The following ADCY10 variants were observed in gnomAD, a reference collection of about 807,000 sequenced individuals.
ADCY10 encodes adenylate cyclase type 10.
ADCY10 carries 156 observed loss-of-function variants against 183.3 expected under a neutral mutation model. That is an observed-to-expected ratio of 0.85 (90% CI 0.75 to 0.97). ADCY10 has a LOEUF of 0.97. ADCY10 is among the 50% of genes least tolerant of loss of function. The probability of loss-of-function intolerance (pLI) is 0.00; values close to 1 mark genes in which losing one functional copy is unlikely to be tolerated. For synonymous variants in ADCY10, 645 were observed against 670.0 expected (o/e 0.96, Z 0.58); for missense variants, 1,745 against 1,934.3 (o/e 0.90, Z 1.84).
In ADCY10 at chr1:167,809,788, T is replaced by G; in HGVS notation, c.4723A>C (p.Ile1575Leu). 1 of 1,614,198 alleles carries G rather than the reference T, an allele frequency of 6.2e-7. No homozygotes were observed. The highest frequency in any genetic ancestry group is 8.5e-7 in the Non-Finnish European group (1 of 1,180,014). ...ELKEDQWLQT[I>L]LSLPSWEKIV... ...TTTTCCCATGATGGGAGACTCAAGA[T>G]CGTCTGAAGCCATTGGTCTTCTTTT... Residue 1575 changes from isoleucine (I) to leucine (L), a missense_variant, in exon 33 of 33, where the codon ATC (isoleucine) becomes CTC (leucine). Transcript: ENST00000367851.
chr1:167,857,700 C>T (rs941427540), intron 16 of ADCY10, among the ~76,000 whole-genome samples: 12 of 152,194 alleles, frequency 7.9e-5, no homozygotes, highest in African/African-American at 2.4e-4. Flanking sequence ...CTCACTTAAT[C>T]CTCACAACAT....
chr1:167,853,830 CTTTTTTTTTTT>C (rs538462140), intron 18 of ADCY10, among the ~76,000 whole-genome samples: 3 of 77,184 alleles, frequency 3.9e-5, no homozygotes, highest in Admixed American at 3.2e-4. Flanking sequence ...ACTATAGTTA[CTTTTTTTTTTT>C]TTTTTTTTTT....
chr1:167,818,110 A>T lies in ADCY10; in HGVS notation c.4444T>A (p.Ser1482Thr), dbSNP rs745840397. 6.2e-7 allele frequency: 1 copy of T among 1,614,056 alleles called. No homozygotes were observed. Among genetic ancestry groups the T allele is most frequent in the African/African-American group, 1.3e-5 (1 of 74,926 alleles). Residue 1482 changes from serine to threonine, a missense_variant, in exon 31 of 33, where the codon TCA becomes ACA. Physicochemically the swap from Ser to Thr is moderately conservative, Grantham distance 58 (BLOSUM62 1). Coordinates refer to ENST00000367851, the MANE Select transcript of ADCY10 (RefSeq NM_018417.6). The part of the protein sequence containing the change: ...LHLQKQIKEQ[S>T]ENAQASGEEL... ...TCCCCACTGGCTTGGGCATTCTCTG[A>T]CTGTTCTTTGATTTGTTTTTGAAGG...
chr1:167,853,830 C>CTTTTTTTTTTTTTTTTTTTT lies in ADCY10; in HGVS notation c.2308+503_2308+522dup, dbSNP rs538462140. Among the ~76,000 whole-genome samples the CTTTTTTTTTTTTTTTTTTTT allele has an allele frequency of 1.1e-3, 83 of 77,192 alleles. 10 individuals carry two copies. Among genetic ancestry groups the CTTTTTTTTTTTTTTTTTTTT allele is most frequent in the Non-Finnish European group, 1.4e-3 (61 of 42,144 alleles). The allele number at this position is 77,192 out of a possible 152,430, so 50.6% of individuals were successfully genotyped here. On this transcript the variant is annotated intron_variant, in intron 18 of 32. Coordinates refer to ENST00000367851, the MANE Select transcript of ADCY10 (RefSeq NM_018417.6). Reference sequence around the variant, plus strand: ...TGTTCTTTCATTTCTACTATAGTTACTTTTTTTTTTTTTTTTTTTTTTTTT... The same window carrying CTTTTTTTTTTTTTTTTTTTT: ...TGTTCTTTCATTTCTACTATAGTTACTTTTTTTTTTTTTTTTTTTTTTTTTTTTTTTTTTTTTTTTTTTTT...
chr1:167,849,090 T>G (rs901182933), intron 18 of ADCY10, among the ~76,000 whole-genome samples: 2 of 152,236 alleles, frequency 1.3e-5, no homozygotes. Context: ...AACGTTTGAT[T>G]CACAGTCAGA....
chr1:167,856,070 G>A, intron 17 of ADCY10, 95 bp downstream of exon 17: 18 of 1,359,074 alleles, frequency 1.3e-5, no homozygotes, highest in Non-Finnish European at 1.8e-5. Context: ...TACTGAAATA[G>A]GCACATCAAG....
chr1:167,823,683 G>T (rs1241358380), intron 28 of ADCY10, among the ~76,000 whole-genome samples: 1 of 152,124 alleles, frequency 6.6e-6, no homozygotes, highest in African/African-American at 2.4e-5. Flanking sequence ...GTCTAGTCTT[G>T]GTCCTTCTCA....
At chr1:167,881,436 T>A (rs552917474) in intron 9 of ADCY10, among the ~76,000 whole-genome samples, 6 of 152,328 alleles carry the variant, frequency 3.9e-5, no homozygotes, top group Admixed American at 6.5e-5. Flanking sequence ...AAGAATTTGA[T>A]CAACTGTTAG....
chr1:167,913,585 T>A (rs1340716184), intron 1 of ADCY10, among the ~76,000 whole-genome samples: 1 of 152,250 alleles, frequency 6.6e-6, no homozygotes, highest in African/African-American at 2.4e-5. Context: ...TTTGTCTTCA[T>A]CTGAATTGTA....
rs1664951122 is a variant in ADCY10 at position 167,845,607 on chromosome 1, T to A, written c.2963A>T (p.Asp988Val). The A allele has an allele frequency of 6.2e-7, 1 of 1,614,250 alleles. No homozygotes were observed. The highest frequency in any genetic ancestry group is 1.3e-5 in the African/African-American group (1 of 75,078). ...AGCCATCTTTTTAATGGCATCCATG[T>A]CTAAAGCGTTGAGCCGAATATTCAC... Reference protein sequence around the residue: ...FTVNIRLNALDMDAIKKMAMS... With the variant: ...FTVNIRLNALVMDAIKKMAMS... The change falls in exon 21 of 33, where the codon GAC becomes GTC. Residue 988 changes from aspartate to valine, a missense_variant. Physicochemically the swap from Asp to Val is radical, Grantham distance 152. Coordinates refer to ENST00000367851, the MANE Select transcript of ADCY10 (RefSeq NM_018417.6).
At chr1:167,817,921 T>C (rs1460805729) in intron 31 of ADCY10, 151 bp downstream of exon 31, 1 of 765,164 alleles carries the variant, frequency 1.3e-6, no homozygotes, top group Non-Finnish European at 2.1e-6. Context: ...ATGGGCAATT[T>C]ATATTTTCTT....
At chr1:167,818,324 CT>C (rs759977154) in intron 30 of ADCY10, 57 bp from the exon 31 acceptor site, 2 of 1,505,688 alleles carry the variant, frequency 1.3e-6, no homozygotes, top group Non-Finnish European at 9.2e-7. Flanking sequence ...AATAGGCTGG[CT>C]TTCTGAAATG....
intron 8 of ADCY10, among the ~76,000 whole-genome samples, chr1:167,891,551 G>C (rs1356961605): frequency 6.6e-6 from 1 of 151,596 alleles, no homozygotes. Context: ...AGCTACTCAG[G>C]AGGCTGAGGC....
At chr1:167,848,562 T>TA in intron 18 of ADCY10, 73 bp from the exon 19 acceptor site, 1 of 1,555,130 alleles carries the variant, frequency 6.4e-7, no homozygotes, top group Non-Finnish European at 8.8e-7. Flanking sequence ...CCAATGAACT[T>TA]TGAGATGGAT....
intron 1 of ADCY10, among the ~76,000 whole-genome samples, chr1:167,908,206 G>A (rs2102470673): frequency 6.6e-6 from 1 of 152,262 alleles, no homozygotes; most frequent in East Asian, 1.9e-4. Context: ...GTATACAATG[G>A]AGTACTATTC....
intron 26 of ADCY10, 120 bp from the exon 27 acceptor site, chr1:167,824,975 G>T: frequency 9.9e-7 from 1 of 1,014,108 alleles, no homozygotes; most frequent in Non-Finnish European, 1.5e-6. Flanking sequence ...CTGGACATTT[G>T]GCCGAAGCCA....
intron 14 of ADCY10, among the ~76,000 whole-genome samples, chr1:167,863,169 G>A (rs900459333): frequency 3.9e-5 from 6 of 152,146 alleles, no homozygotes; most frequent in African/African-American, 7.2e-5. Context: ...CAGATAGCCC[G>A]GCGCCTAGGA....
chr1:167,905,121 T>G lies in ADCY10; in HGVS notation c.20A>C (p.Glu7Ala), dbSNP rs56142912. 7.0e-4 allele frequency: 1,125 copies of G among 1,614,224 alleles called. No homozygotes were observed. Among genetic ancestry groups the G allele is most frequent in the Non-Finnish European group, 8.5e-4 (1,000 of 1,180,034 alleles). Reference sequence around the variant, plus strand: ...TCTGACTATGGGCCAGTCCTGGAATTCTTCTTTTGGAGTGTTCATGTTCAA... The same window carrying G: ...TCTGACTATGGGCCAGTCCTGGAATGCTTCTTTTGGAGTGTTCATGTTCAA... Reference protein sequence around the residue: MNTPKEEFQDWPIVRIA... With the variant: MNTPKEAFQDWPIVRIA... Residue 7 changes from glutamate (E) to alanine (A), a missense_variant, in exon 2 of 33, where the codon GAA (glutamate) becomes GCA (alanine). Coordinates refer to ENST00000367851, the MANE Select transcript of ADCY10 (RefSeq NM_018417.6).
chr1:167,818,392 C>G (rs771390452), intron 30 of ADCY10, 125 bp from the exon 31 acceptor site: 1 of 847,224 alleles, frequency 1.2e-6, no homozygotes, highest in South Asian at 1.3e-5. Context: ...TAGTCTCCTG[C>G]CTACCCCTGC....
Sources: gnomAD v4.1 joint callset for allele counts (sites outside exome capture counted in the v4.1 genomes callset) on GRCh38, gnomAD v4.1.1 for gene constraint, MANE v1.5 for transcripts, NCBI Gene and HGNC (gene_info 2026-07-23, HGNC 2026-07-21) for gene names.